WWC1: variants seen among roughly 807,000 people sequenced by gnomAD.
WWC1 encodes WW and C2 domain containing 1.
Under a neutral mutation model 138.4 loss-of-function variants are expected in WWC1, and 55 were observed. The observed-to-expected ratio is 0.40, with a 90% CI of 0.32 to 0.50. The LOEUF (loss-of-function observed/expected upper bound fraction) is 0.50. Ranked by LOEUF, WWC1 falls within the 20% of genes least tolerant of loss-of-function variation. The pLI is 0.72. For synonymous variants in WWC1, 524 were observed against 564.9 expected (o/e 0.93, Z 1.03); for missense variants, 1,226 against 1,420.4 (o/e 0.86, Z 2.20).
At chr5:168,347,537 T>C (rs1236903144) in intron 1 of WWC1, among the ~76,000 whole-genome samples, 2 of 152,234 alleles carry the variant, frequency 1.3e-5, no homozygotes, top group African/African-American at 4.8e-5. Flanking sequence ...GAAGTGTTTG[T>C]GGGTCCCCTG....
intron 1 of WWC1, among the ~76,000 whole-genome samples, chr5:168,316,080 G>A (rs1197630134): frequency 6.6e-6 from 1 of 152,174 alleles, no homozygotes; most frequent in African/African-American, 2.4e-5. Context: ...TTTCAGGCAG[G>A]AGAAGCTGAA....
chr5:168,447,717 T>C (rs1755403057), intron 17 of WWC1, among the ~76,000 whole-genome samples: 1 of 152,148 alleles, frequency 6.6e-6, no homozygotes, highest in Non-Finnish European at 1.5e-5. Context: ...GGAATTTTTG[T>C]ATGTTCCTTT....
At chr5:168,329,072 G>A (rs1772814842) in intron 1 of WWC1, among the ~76,000 whole-genome samples, 1 of 152,194 alleles carries the variant, frequency 6.6e-6, no homozygotes, top group Non-Finnish European at 1.5e-5. Flanking sequence ...AGTTGGTCTT[G>A]CCCCATGGCT....
intron 1 of WWC1, among the ~76,000 whole-genome samples, chr5:168,343,438 T>C (rs1774210381): frequency 6.6e-6 from 1 of 152,172 alleles, no homozygotes; most frequent in South Asian, 2.1e-4. Context: ...AGAGCTCAGG[T>C]TGGCTGGACT....
intron 16 of WWC1, among the ~76,000 whole-genome samples, chr5:168,442,640 C>A (rs1214922459): frequency 6.6e-6 from 1 of 151,384 alleles, no homozygotes; most frequent in Non-Finnish European, 1.5e-5. Flanking sequence ...AGTTTGAGAC[C>A]ACCCTGGCCA....
intron 15 of WWC1, among the ~76,000 whole-genome samples, chr5:168,439,112 C>T (rs1422564138): frequency 6.6e-6 from 1 of 152,136 alleles, no homozygotes; most frequent in African/African-American, 2.4e-5. Flanking sequence ...AGACTATAGA[C>T]ACAGATATAC....
At chr5:168,314,134 G>A (rs1317438915) in intron 1 of WWC1, among the ~76,000 whole-genome samples, 1 of 152,210 alleles carries the variant, frequency 6.6e-6, no homozygotes, top group African/African-American at 2.4e-5. Flanking sequence ...TAAGCAATGA[G>A]GTGGCAGGCA....
intron 2 of WWC1, among the ~76,000 whole-genome samples, chr5:168,377,380 T>C (rs1777270566): frequency 6.6e-6 from 1 of 152,068 alleles, no homozygotes; most frequent in African/African-American, 2.4e-5. Context: ...AGAAAGAATT[T>C]ATGAGTAAGT....
At chr5:168,457,815 T>C (rs1012359876) in intron 19 of WWC1, among the ~76,000 whole-genome samples, 3 of 152,248 alleles carry the variant, frequency 2.0e-5, no homozygotes, top group African/African-American at 7.2e-5. Flanking sequence ...TGGTCACTGC[T>C]GCCACTGCCA....
At chr5:168,392,947 C>T (rs1018328295) in intron 3 of WWC1, among the ~76,000 whole-genome samples, 1 of 151,842 alleles carries the variant, frequency 6.6e-6, no homozygotes, top group Non-Finnish European at 1.5e-5. Flanking sequence ...GGTCAGGAAA[C>T]AAGAACACGG....
At chr5:168,324,350 T>TTGA in intron 1 of WWC1, among the ~76,000 whole-genome samples, 1 of 152,142 alleles carries the variant, frequency 6.6e-6, no homozygotes, top group East Asian at 1.9e-4. Flanking sequence ...GGAGAATCGC[T>TTGA]TGAACCTAGG....
At chr5:168,297,110 C>G (rs1173388981) in intron 1 of WWC1, among the ~76,000 whole-genome samples, 1 of 152,184 alleles carries the variant, frequency 6.6e-6, no homozygotes, top group Admixed American at 6.5e-5. Context: ...AGATGTCCAT[C>G]AACCATCAAG....
intron 1 of WWC1, among the ~76,000 whole-genome samples, chr5:168,339,969 G>C (rs184166747): frequency 0.028 from 2,559 of 92,480 alleles, 41 homozygotes; most frequent in South Asian, 0.079. Context: ...CTCTCTCTCT[G>C]TCTCTCTTTC....
chr5:168,414,317 C>A, intron 8 of WWC1, 31 bp from the exon 9 acceptor site: 1 of 1,610,002 alleles, frequency 6.2e-7, no homozygotes, highest in Non-Finnish European at 8.5e-7. Flanking sequence ...CCATTAGGCA[C>A]ACCAGTCATG....
chr5:168,456,278 T>C (rs1293065619), intron 19 of WWC1, among the ~76,000 whole-genome samples: 1 of 152,022 alleles, frequency 6.6e-6, no homozygotes, highest in East Asian at 1.9e-4. Flanking sequence ...CACTCCAGCC[T>C]GGGCAACAGA....
chr5:168,440,849 C>G (rs115028793), intron 15 of WWC1, among the ~76,000 whole-genome samples: 75 of 152,274 alleles, frequency 4.9e-4, no homozygotes, highest in African/African-American at 1.8e-3. Flanking sequence ...TACTTGTACA[C>G]TCATGTTCAT....
intron 1 of WWC1, among the ~76,000 whole-genome samples, chr5:168,319,929 TA>T (rs1198184435): frequency 6.6e-6 from 1 of 152,242 alleles, no homozygotes; most frequent in Non-Finnish European, 1.5e-5. Context: ...GTTTTATTTT[TA>T]TTTTTTTAAT....
intron 15 of WWC1, 129 bp downstream of exon 15, chr5:168,431,573 G>A: frequency 1.9e-6 from 2 of 1,044,524 alleles, no homozygotes; most frequent in Non-Finnish European, 2.7e-6. Context: ...AGGAGACGCA[G>A]GTTGTGCTAT....
intron 19 of WWC1, among the ~76,000 whole-genome samples, chr5:168,458,782 A>G (rs189097445): frequency 1.3e-5 from 2 of 152,348 alleles, no homozygotes; most frequent in Admixed American, 1.3e-4. Flanking sequence ...TAAATGCATT[A>G]AAGTGTCTTT....
Sources: allele counts gnomAD v4.1 joint callset (sites outside exome capture counted in the v4.1 genomes callset), GRCh38; gene constraint gnomAD v4.1.1; transcripts MANE v1.5; gene names NCBI Gene and HGNC (gene_info 2026-07-23, HGNC 2026-07-21).